ZNF277: variants seen among roughly 807,000 people sequenced by gnomAD.
The protein encoded by ZNF277 is nuclear receptor-interacting factor 4.
In ZNF277, 55 loss-of-function variants were observed where a neutral mutation model predicts 60.7. The ratio of observed to expected loss-of-function variants is 0.91; its 90% CI spans 0.73 to 1.13. The LOEUF (loss-of-function observed/expected upper bound fraction) is 1.13, where lower values mean the gene tolerates loss of function less well. Among genes scored for constraint, ZNF277 ranks in the 50% most tolerant of loss-of-function variants. The pLI is 0.00. For synonymous variants in ZNF277, 178 were observed against 179.3 expected, an observed-to-expected ratio of 0.99 and a Z score of 0.06; for missense variants, 510 against 523.0, an observed-to-expected ratio of 0.98 and a Z score of 0.24.
chr7:112,280,814 G>C (rs1023277606), intron 1 of ZNF277, among the ~76,000 whole-genome samples: 5 of 152,204 alleles, frequency 3.3e-5, no homozygotes, highest in African/African-American at 1.2e-4. Flanking sequence ...TTGTAGTGGA[G>C]ATGGGGTTTC....
At chr7:112,321,753 T>C (rs1792987791) in intron 5 of ZNF277, among the ~76,000 whole-genome samples, 1 of 152,156 alleles carries the variant, frequency 6.6e-6, no homozygotes, top group South Asian at 2.1e-4. Flanking sequence ...TTTTACAGGA[T>C]GTAGAATTCT....
At chr7:112,310,850 A>G (rs1007963758) in intron 4 of ZNF277, among the ~76,000 whole-genome samples, 2 of 152,068 alleles carry the variant, frequency 1.3e-5, no homozygotes, top group Non-Finnish European at 2.9e-5. Flanking sequence ...AAGGAACCTG[A>G]GGAGTGTGCC....
intron 4 of ZNF277, among the ~76,000 whole-genome samples, chr7:112,301,670 T>C (rs1468814404): frequency 6.6e-6 from 1 of 152,168 alleles, no homozygotes; most frequent in African/African-American, 2.4e-5. Flanking sequence ...TTCCAAAAGT[T>C]TCCCATATGC....
Position 112,232,126 on chromosome 7 carries a change from T to A in ZNF277, c.91+25319T>A, listed in dbSNP as rs565313121. ...TATCTCAAAGCCCTTCTCTCATAAG[T>A]GTCATATGTGAAAGACTGGACAGAT... On this transcript the variant is annotated intron_variant, in intron 1 of 11. Transcript: ENST00000361822. Among the ~76,000 whole-genome samples, 6 of 149,764 alleles carry A rather than the reference T, an allele frequency of 4.0e-5. No individual in the cohort carries two copies. In the South Asian group the frequency reaches 1.3e-3, roughly 31 times the overall value.
chr7:112,207,979 G>A lies in ZNF277; in HGVS notation c.91+1172G>A, dbSNP rs552712213. Among the ~76,000 whole-genome samples, 5 of 152,174 alleles carry A rather than the reference G, an allele frequency of 3.3e-5. No homozygotes were observed. In the South Asian group the frequency reaches 1.0e-3, roughly 32 times the overall value. The stretch of plus-strand genomic sequence containing the variant: ...TATTTTTGGGTTGGTTATATATTGG[G>A]CTATCTGATGGTAACAGACTATTAC... On this transcript the variant is annotated intron_variant, in intron 1 of 11. Coordinates refer to ENST00000361822, the MANE Select transcript of ZNF277 (RefSeq NM_021994.3).
Position 112,342,225 on chromosome 7 carries a change from G to A in ZNF277, c.1185-336G>A, listed in dbSNP as rs552186914. ...AACAACTAGATCTACCCACTACTGG[G>A]GTCAGCTACCTTCGAAGATAGTGTG... On this transcript the variant is annotated intron_variant, in intron 11 of 11. Coordinates refer to ENST00000361822, the MANE Select transcript of ZNF277 (RefSeq NM_021994.3). Among the ~76,000 whole-genome samples, 3 of 152,156 alleles carry A rather than the reference G, an allele frequency of 2.0e-5. No homozygotes were observed. The South Asian group carries it at 6.2e-4, about 32-fold the overall frequency.
At chr7:112,252,198 A>C (rs187115824) in intron 1 of ZNF277, among the ~76,000 whole-genome samples, 1 of 152,330 alleles carries the variant, frequency 6.6e-6, no homozygotes, top group East Asian at 1.9e-4. Flanking sequence ...GTATACAGTT[A>C]ATGAAAGTTC....
At chr7:112,339,723 G>A (rs1793406498) in intron 9 of ZNF277, 120 bp from the exon 10 acceptor site, 1 of 940,148 alleles carries the variant, frequency 1.1e-6, no homozygotes, top group Non-Finnish European at 1.6e-6. Flanking sequence ...AAAAGCAGAA[G>A]ATACCGAACT....
chr7:112,287,185 T>C, intron 2 of ZNF277, 111 bp downstream of exon 2: 2 of 1,102,538 alleles, frequency 1.8e-6, no homozygotes, highest in Non-Finnish European at 2.6e-6. Context: ...CCGAGGCCAG[T>C]AGTAGTTCAA....
chr7:112,314,797 A>G (rs979385826), intron 4 of ZNF277, among the ~76,000 whole-genome samples: 2 of 152,090 alleles, frequency 1.3e-5, no homozygotes, highest in Admixed American at 6.6e-5. Context: ...CTCTGTCTCA[A>G]AAAACAAAAC....
intron 4 of ZNF277, among the ~76,000 whole-genome samples, chr7:112,311,125 A>T (rs1474875499): frequency 6.6e-6 from 1 of 152,032 alleles, no homozygotes; most frequent in African/African-American, 2.4e-5. Context: ...ATAATTTTCA[A>T]CCTAACTCAC....
At chr7:112,330,266 A>G in intron 7 of ZNF277, 50 bp downstream of exon 7, 1 of 1,588,046 alleles carries the variant, frequency 6.3e-7, no homozygotes, top group South Asian at 1.1e-5. Flanking sequence ...ACTGCAAACA[A>G]AATCTTTCTG....
At chr7:112,309,178 T>G (rs901178218) in intron 4 of ZNF277, among the ~76,000 whole-genome samples, 7 of 152,008 alleles carry the variant, frequency 4.6e-5, no homozygotes, top group Non-Finnish European at 8.8e-5. Context: ...ACCCCATCGC[T>G]GACTATGCAG....
At chr7:112,314,480 T>A (rs980997941) in intron 4 of ZNF277, among the ~76,000 whole-genome samples, 1 of 152,034 alleles carries the variant, frequency 6.6e-6, no homozygotes, top group Non-Finnish European at 1.5e-5. Flanking sequence ...GGAAGAAATG[T>A]GAGAGAAGAC....
chr7:112,276,789 A>G (rs1791803891), intron 1 of ZNF277, among the ~76,000 whole-genome samples: 1 of 152,188 alleles, frequency 6.6e-6, no homozygotes, highest in Non-Finnish European at 1.5e-5. Context: ...ACCAGATATT[A>G]AGAATTACAT....
intron 2 of ZNF277, among the ~76,000 whole-genome samples, chr7:112,290,420 T>C (rs997536631): frequency 6.6e-6 from 1 of 152,178 alleles, no homozygotes; most frequent in Non-Finnish European, 1.5e-5. Flanking sequence ...ATTTACTAGG[T>C]CTCGGGACTT....
At chr7:112,275,046 A>G (rs1791761344) in intron 1 of ZNF277, among the ~76,000 whole-genome samples, 2 of 152,180 alleles carry the variant, frequency 1.3e-5, no homozygotes, top group Non-Finnish European at 2.9e-5. Flanking sequence ...CTTGTTTGCA[A>G]TGGGTTATTC....
At chr7:112,298,572 C>T (rs1453028041) in intron 4 of ZNF277, among the ~76,000 whole-genome samples, 1 of 152,116 alleles carries the variant, frequency 6.6e-6, no homozygotes, top group Non-Finnish European at 1.5e-5. Flanking sequence ...CATTAATGTG[C>T]CCTCATTGTC....
intron 1 of ZNF277, among the ~76,000 whole-genome samples, chr7:112,278,600 G>C (rs1244226739): frequency 6.6e-6 from 1 of 152,072 alleles, no homozygotes; most frequent in East Asian, 1.9e-4. Flanking sequence ...CTATCAGGTG[G>C]ATATTTTGAT....
Sources: allele counts gnomAD v4.1 joint callset (sites outside exome capture counted in the v4.1 genomes callset), GRCh38; gene constraint gnomAD v4.1.1; transcripts MANE v1.5; gene names NCBI Gene and HGNC (gene_info 2026-07-23, HGNC 2026-07-21).